GDF1: variants seen among roughly 807,000 people sequenced by gnomAD.
The protein encoded by GDF1 is embryonic growth/differentiation factor 1.
A neutral mutation model predicts 7.4 loss-of-function variants in GDF1; 8 were observed. The observed-to-expected ratio is 1.09, with a 90% CI of 0.64 to 1.96. The LOEUF is 1.96. Among genes scored for constraint, GDF1 ranks in the 30% most tolerant of loss-of-function variants. The pLI is 0.00. For missense variants in GDF1, 574 were observed against 551.5 expected (o/e 1.04, Z -0.41); for synonymous variants, 311 against 276.7 (o/e 1.12, Z -1.23).
At chr19:18,882,448 C>T (rs988146187) in intron 3 of GDF1, among the ~76,000 whole-genome samples, 9 of 151,554 alleles carry the variant, frequency 5.9e-5, no homozygotes, top group African/African-American at 2.2e-4. Flanking sequence ...GCCTGGCCAA[C>T]ATGGTGAAAC....
At position 18,878,749 on chromosome 19, in the gene GDF1, C is replaced by T; in HGVS notation, c.-313+181G>A. 1 of 1,419,440 alleles carries T rather than the reference C, an allele frequency of 7.0e-7. No individual in the cohort carries two copies. The highest frequency in any genetic ancestry group is 9.2e-7 in the Non-Finnish European group (1 of 1,085,722). 87.9% of individuals were successfully genotyped at this position (1,419,440 alleles called of 1,614,324 possible). On this transcript the variant is annotated intron_variant, in intron 6 of 7. Transcript: ENST00000247005. This position sits in a 1 kb window ranked among gnomAD's most constrained non-coding sequence, Gnocchi z 4.6. ...TCCCTCCCCTTCCTCACTGTCCTGT[C>T]CTTCAGGGTACTGGCCACATCGTCC... is the stretch of plus-strand genomic sequence containing the variant.
At chr19:18,885,674 C>G (rs2056337709) in intron 2 of GDF1, among the ~76,000 whole-genome samples, 2 of 151,530 alleles carry the variant, frequency 1.3e-5, no homozygotes, top group Non-Finnish European at 1.5e-5. Context: ...CACCCACCAC[C>G]ATGCCTGGCT....
At position 18,870,300 on chromosome 19, in the gene GDF1, G is replaced by A. The variant is rs1236253450; in HGVS notation, c.8C>T (p.Pro3Leu). Residue 3 changes from proline (P) to leucine (L), a missense_variant, in exon 7 of 8, where the codon CCG becomes CTG. Transcript: ENST00000247005. This position sits in a 1 kb window ranked among gnomAD's most constrained non-coding sequence, Gnocchi z 5.1. MP[P>L]PQQGPCGHHL... is the part of the protein sequence containing the mutation. ...GTGGCCGCAGGGACCTTGCTGCGGC[G>A]GTGGCATCTTCCTCCCAGGCGATGA... 1.3e-6 allele frequency: 2 copies of A among 1,545,954 alleles called. No homozygotes were observed. The highest frequency in any genetic ancestry group is 2.4e-5 in the East Asian group (1 of 40,964).
At chr19:18,884,572 T>C (rs1601173851) in intron 2 of GDF1, among the ~76,000 whole-genome samples, 1 of 151,968 alleles carries the variant, frequency 6.6e-6, no homozygotes, top group African/African-American at 2.4e-5. Context: ...CAAGCCCGGC[T>C]AATTTTTTGT....
chr19:18,870,136 C>A lies in GDF1; in HGVS notation c.172G>T (p.Val58Phe). 6.4e-7 allele frequency: 1 copy of A among 1,564,322 alleles called. No individual in the cohort carries two copies. The highest frequency in any genetic ancestry group is 8.6e-7 in the Non-Finnish European group (1 of 1,160,546). ...EPQGAPRLRP[V>F]PPVMWRLFRR... Reference sequence around the variant, plus strand: ...AACAGGCGCCACATGACCGGGGGAACCGGCCGGAGCCTGGGGGCACCCTGG... The same window carrying A: ...AACAGGCGCCACATGACCGGGGGAAACGGCCGGAGCCTGGGGGCACCCTGG... The change falls in exon 7 of 8, where the codon GTT becomes TTT. Residue 58 changes from valine (V) to phenylalanine (F), a missense_variant. Coordinates refer to ENST00000247005, the MANE Select transcript of GDF1 (RefSeq NM_001492.6). This position sits in a 1 kb window ranked among gnomAD's most constrained non-coding sequence, Gnocchi z 5.1.
At chr19:18,879,951 TTA>T (rs1319251849) in intron 4 of GDF1, among the ~76,000 whole-genome samples, 3 of 150,588 alleles carry the variant, frequency 2.0e-5, no homozygotes, top group Non-Finnish European at 4.4e-5. Flanking sequence ...TTGCTCTGTA[TTA>T]GTCTAGCTCT....
At chr19:18,877,375 T>C (rs1021097834) in intron 6 of GDF1, among the ~76,000 whole-genome samples, 2 of 152,196 alleles carry the variant, frequency 1.3e-5, no homozygotes, top group African/African-American at 4.8e-5. Context: ...TCCTGGTGTC[T>C]AGATGTGGCC....
intron 6 of GDF1, among the ~76,000 whole-genome samples, chr19:18,875,542 C>CAAAAAAAAA (rs886609723): frequency 1.0e-5 from 1 of 97,376 alleles, no homozygotes; most frequent in Non-Finnish European, 2.2e-5. Context: ...GACACTGTCT[C>CAAAAAAAAA]AAAAAAAAAA....
chr19:18,887,514 G>A (rs1030364858), intron 2 of GDF1, among the ~76,000 whole-genome samples: 2 of 152,158 alleles, frequency 1.3e-5, no homozygotes, highest in Non-Finnish European at 2.9e-5. Context: ...GGAGGTGGAG[G>A]CAGGTGGATC....
intron 6 of GDF1, among the ~76,000 whole-genome samples, chr19:18,874,880 G>A (rs1338007387): frequency 2.0e-5 from 3 of 152,144 alleles, no homozygotes; most frequent in Non-Finnish European, 2.9e-5. Flanking sequence ...TTTGCTTCAC[G>A]CCTCCTGAGT....
chr19:18,893,831 T>C (rs1350397213), intron 1 of GDF1, among the ~76,000 whole-genome samples: 1 of 150,122 alleles, frequency 6.7e-6, no homozygotes, highest in Non-Finnish European at 1.5e-5. Context: ...GCAGGAGGGC[T>C]CTGGGGGCCA....
chr19:18,895,673 C>T lies in GDF1; in HGVS notation c.-1074+151G>A, dbSNP rs1019500751. 1 of 329,352 alleles carries T rather than the reference C, an allele frequency of 3.0e-6. No individual in the cohort carries two copies. Among genetic ancestry groups the T allele is most frequent in the Non-Finnish European group, 5.1e-6 (1 of 196,972 alleles). The allele number at this position is 329,352 out of a possible 1,614,324, so 20.4% of individuals were successfully genotyped here. On this transcript the variant is annotated intron_variant, in intron 1 of 7. Coordinates refer to ENST00000247005, the MANE Select transcript of GDF1 (RefSeq NM_001492.6). This position sits in a 1 kb window ranked among gnomAD's most constrained non-coding sequence, Gnocchi z 6.4. ...CCTGGGGCTCCAACGTCCTGGGCCT[C>T]TCCAGCCCGAGGCCCCCACCCACGT...
chr19:18,877,756 C>CA (rs386388683), intron 6 of GDF1, among the ~76,000 whole-genome samples: 37,451 of 103,940 alleles, frequency 0.36, 7,672 homozygotes, highest in Admixed American at 0.49. Context: ...GACCCTGTCT[C>CA]AAAAAAAAAA....
Position 18,869,267 on chromosome 19 carries a change from C to G in GDF1, c.449G>C (p.Arg150Pro). Reference sequence around the variant, plus strand: ...GGCTGCCGCCGCCGCCGCCGCGAAACGCAGCTCCAGGCGGGCCCGGCTCGG... The same window carrying G: ...GGCTGCCGCCGCCGCCGCCGCGAAAGGCAGCTCCAGGCGGGCCCGGCTCGG... ...ERPSRARLEL[R>P]FAAAAAAAPE... Residue 150 changes from arginine (R) to proline (P), a missense_variant, in exon 8 of 8, where the codon CGT becomes CCT. Coordinates refer to ENST00000247005, the MANE Select transcript of GDF1 (RefSeq NM_001492.6). 1 of 1,473,326 alleles carries G rather than the reference C, an allele frequency of 6.8e-7. No individual in the cohort carries two copies. Among genetic ancestry groups the G allele is most frequent in the Non-Finnish European group, 8.9e-7 (1 of 1,122,662 alleles). The allele number at this position is 1,473,326 out of a possible 1,614,324, so 91.3% of individuals were successfully genotyped here. A position where few individuals can be genotyped will look rare whatever the true frequency, so the allele number is the denominator to read the frequency against.
At chr19:18,875,874 G>A (rs996462087) in intron 6 of GDF1, among the ~76,000 whole-genome samples, 9 of 152,202 alleles carry the variant, frequency 5.9e-5, no homozygotes, top group Admixed American at 3.3e-4. Flanking sequence ...GCCACCAGAA[G>A]CCCAAGAGGC....
chr19:18,892,711 C>T (rs2056522082), intron 2 of GDF1, among the ~76,000 whole-genome samples: 1 of 152,136 alleles, frequency 6.6e-6, no homozygotes, highest in African/African-American at 2.4e-5. Context: ...GTGAGTGCCT[C>T]CGGGCCTTTG....
chr19:18,882,531 C>T (rs1223577313), intron 3 of GDF1, among the ~76,000 whole-genome samples: 1 of 151,536 alleles, frequency 6.6e-6, no homozygotes, highest in Non-Finnish European at 1.5e-5. Flanking sequence ...ACTTGGGAGG[C>T]TGAGGCGAGG....
chr19:18,888,803 C>T (rs2056423336), intron 2 of GDF1, among the ~76,000 whole-genome samples: 1 of 151,816 alleles, frequency 6.6e-6, no homozygotes, highest in African/African-American at 2.4e-5. Flanking sequence ...GTACTCCAGC[C>T]TGGGCAACAA....
At position 18,895,933 on chromosome 19, in the gene GDF1, C is replaced by T; in HGVS notation, c.-1183G>A. 8.3e-7 allele frequency: 1 copy of T among 1,199,348 alleles called. No homozygotes were observed. Among genetic ancestry groups the T allele is most frequent in the East Asian group, 4.3e-5 (1 of 23,362 alleles). 74.3% of individuals were successfully genotyped at this position (1,199,348 alleles called of 1,614,324 possible). A position where few individuals can be genotyped will look rare whatever the true frequency, so the allele number is the denominator to read the frequency against. On this transcript the variant is annotated 5_prime_UTR_variant, in exon 1 of 8. Coordinates refer to ENST00000247005, the MANE Select transcript of GDF1 (RefSeq NM_001492.6). This position sits in a 1 kb window ranked among gnomAD's most constrained non-coding sequence, Gnocchi z 6.4. ...CAGGTGCGCGTGCTCAGCCAGGCCGCGACGCGCCAGCCCCCAGCCGCAGTC... is the reference window on the plus strand; with the variant it reads ...CAGGTGCGCGTGCTCAGCCAGGCCGTGACGCGCCAGCCCCCAGCCGCAGTC...
Sources: allele counts gnomAD v4.1 joint callset (sites outside exome capture counted in the v4.1 genomes callset), GRCh38; gene constraint gnomAD v4.1.1; non-coding constraint Gnocchi (gnomAD v3.1); transcripts MANE v1.5; gene names NCBI Gene and HGNC (gene_info 2026-07-23, HGNC 2026-07-21).